The following TTC3 variants were observed in gnomAD, a reference collection of about 807,000 sequenced individuals.
TTC3 encodes the protein E3 ubiquitin-protein ligase TTC3.
A neutral mutation model predicts 249.6 loss-of-function variants in TTC3; 180 were observed. The observed-to-expected ratio is 0.72, with a 90% CI of 0.64 to 0.82. TTC3 has a LOEUF of 0.82. Ranked by LOEUF, TTC3 falls within the 40% of genes least tolerant of loss-of-function variation. The pLI is 0.00. For missense variants in TTC3, 2,061 were observed against 2,398.4 expected (o/e 0.86, Z 2.94); for synonymous variants, 717 against 805.0 (o/e 0.89, Z 1.85).
At chr21:37,163,541 G>T (rs1385316186) in intron 31 of TTC3, among the ~76,000 whole-genome samples, 1 of 152,008 alleles carries the variant, frequency 6.6e-6, no homozygotes, top group Non-Finnish European at 1.5e-5. Context: ...TTAGGGACGG[G>T]GTTTTTCCAT....
At position 37,138,730 on chromosome 21, in the gene TTC3, G is replaced by C. The variant is rs1397014417; in HGVS notation, c.1659+16G>C. ...ACAGCCTGAGGTAAGATTTGTAACA[G>C]TGGTAATAAACAATTAAAATGATAT... On this transcript the variant is annotated intron_variant, in intron 19 of 45. Transcript: ENST00000355666. The C allele has an allele frequency of 6.4e-7, 1 of 1,564,722 alleles. No individual in the cohort carries two copies. Among genetic ancestry groups the C allele is most frequent in the Admixed American group, 1.7e-5 (1 of 58,552 alleles).
intron 42 of TTC3, among the ~76,000 whole-genome samples, 172 bp from the exon 43 acceptor site, chr21:37,197,398 A>G (rs933076127): frequency 1.1e-4 from 17 of 152,158 alleles, no homozygotes; most frequent in African/African-American, 3.4e-4. Context: ...AAAAAAAAAA[A>G]AAAAGTTATG....
intron 11 of TTC3, among the ~76,000 whole-genome samples, chr21:37,118,551 G>C (rs2835606): frequency 0.34 from 52,082 of 152,008 alleles, 10,705 homozygotes; most frequent in Non-Finnish European, 0.47. Flanking sequence ...TTTGAGGGGC[G>C]CATTAGGACT....
chr21:37,097,045 GTTAA>G (rs2074012749), intron 10 of TTC3, among the ~76,000 whole-genome samples: 1 of 152,092 alleles, frequency 6.6e-6, no homozygotes, highest in South Asian at 2.1e-4. Flanking sequence ...TTTATGCTCT[GTTAA>G]TTAATCCATA....
intron 21 of TTC3, among the ~76,000 whole-genome samples, chr21:37,146,610 G>A (rs1331950973): frequency 6.6e-6 from 1 of 152,190 alleles, no homozygotes; most frequent in African/African-American, 2.4e-5. Context: ...CAAAGGGCTT[G>A]TGTGAGTCCA....
At chr21:37,158,096 A>G (rs929390912) in intron 28 of TTC3, 4 of 984,548 alleles carry the variant, frequency 4.1e-6, no homozygotes, top group Admixed American at 6.1e-5. Context: ...CTTAGAAAAG[A>G]GCACACTCAA....
At chr21:37,151,573 G>A (rs1186130296) in intron 25 of TTC3, among the ~76,000 whole-genome samples, 1 of 152,130 alleles carries the variant, frequency 6.6e-6, no homozygotes. Context: ...TCTTAGAAAT[G>A]AGAGTTTACA....
At chr21:37,158,895 C>G (rs1232451280) in intron 28 of TTC3, among the ~76,000 whole-genome samples, 2 of 152,118 alleles carry the variant, frequency 1.3e-5, no homozygotes, top group African/African-American at 4.8e-5. Context: ...AGTTGTCTTT[C>G]CACAGTTAGA....
intron 11 of TTC3, among the ~76,000 whole-genome samples, chr21:37,113,602 C>T (rs1187392639): frequency 6.6e-6 from 1 of 152,158 alleles, no homozygotes; most frequent in African/African-American, 2.4e-5. Context: ...TGAAAATGGC[C>T]ATATTGCCCA....
At chr21:37,182,776 C>A in exon 36 of TTC3, 1 of 1,580,694 alleles carries the variant, frequency 6.3e-7, no homozygotes, top group South Asian at 1.2e-5. Flanking sequence ...GTTTTTAGAT[C>A]TCAAAGACGG....
At chr21:37,143,955 A>G (rs1434772385) in intron 20 of TTC3, among the ~76,000 whole-genome samples, 1 of 150,164 alleles carries the variant, frequency 6.7e-6, no homozygotes, top group Non-Finnish European at 1.5e-5. Context: ...GACATGGATG[A>G]AGCTGGAAAC....
intron 11 of TTC3, among the ~76,000 whole-genome samples, chr21:37,110,051 C>A (rs1478178233): frequency 6.6e-6 from 1 of 152,092 alleles, no homozygotes; most frequent in South Asian, 2.1e-4. Flanking sequence ...ACCAAAAACC[C>A]ATCTGTACGT....
At chr21:37,168,045 A>G (rs1408965704) in intron 34 of TTC3, among the ~76,000 whole-genome samples, 2 of 152,112 alleles carry the variant, frequency 1.3e-5, no homozygotes, top group Non-Finnish European at 2.9e-5. Flanking sequence ...TAATGATTCA[A>G]TTAGAAAACC....
chr21:37,126,816 G>A (rs2077074306), intron 15 of TTC3, among the ~76,000 whole-genome samples: 1 of 151,884 alleles, frequency 6.6e-6, no homozygotes, highest in Admixed American at 6.6e-5. Flanking sequence ...TCATGTAGTA[G>A]AAGGAGCAAG....
At chr21:37,201,469 C>T (rs200867607) in exon 46 of TTC3, 77 of 1,613,982 alleles carry the variant, frequency 4.8e-5, no homozygotes, top group Non-Finnish European at 6.1e-5. Flanking sequence ...AAGGGCAGAG[C>T]GCTTGCCCGG....
chr21:37,077,562 G>A (rs1447271307), intron 1 of TTC3, among the ~76,000 whole-genome samples: 2 of 152,178 alleles, frequency 1.3e-5, no homozygotes, highest in Non-Finnish European at 2.9e-5. Flanking sequence ...TCAACAGTGT[G>A]TAAGAGTTAC....
intron 10 of TTC3, among the ~76,000 whole-genome samples, chr21:37,105,718 C>T (rs2075014896): frequency 6.6e-6 from 1 of 152,100 alleles, no homozygotes; most frequent in Non-Finnish European, 1.5e-5. Context: ...GTTAATTTTG[C>T]CTATTTTAGT....
chr21:37,160,973 C>T (rs2080681759), intron 30 of TTC3, 115 bp downstream of exon 30: 1 of 994,002 alleles, frequency 1.0e-6, no homozygotes, highest in Non-Finnish European at 1.4e-6. Flanking sequence ...TAGAGAAAGA[C>T]TTTCTAGGAC....
At chr21:37,151,527 T>C (rs1166167981) in intron 25 of TTC3, among the ~76,000 whole-genome samples, 1 of 152,152 alleles carries the variant, frequency 6.6e-6, no homozygotes, top group African/African-American at 2.4e-5. Flanking sequence ...TGGGTTATTA[T>C]TGAGATGTGA....
Sources: allele counts gnomAD v4.1 joint callset (sites outside exome capture counted in the v4.1 genomes callset), GRCh38; gene constraint gnomAD v4.1.1; transcripts MANE v1.5; gene names NCBI Gene and HGNC (gene_info 2026-07-23, HGNC 2026-07-21).